VPS35L: variants seen among roughly 807,000 people sequenced by gnomAD.
The protein encoded by VPS35L is VPS35 endosomal protein sorting factor like.
In VPS35L, 83 loss-of-function variants were observed where a neutral mutation model predicts 133.0. The observed-to-expected ratio is 0.62, with a 90% CI of 0.52 to 0.75. The LOEUF (loss-of-function observed/expected upper bound fraction) is 0.75, where lower values mean the gene tolerates loss of function less well. Ranked by LOEUF, VPS35L falls within the 30% of genes least tolerant of loss-of-function variation. The pLI, the probability that VPS35L is intolerant of heterozygous loss-of-function variation, is 0.00. For synonymous variants in VPS35L, 423 were observed against 449.9 expected (o/e 0.94, Z 0.76); for missense variants, 1,083 against 1,206.8 (o/e 0.90, Z 1.52).
Position 19,639,497 on chromosome 16 carries a change from A to T in VPS35L, c.1699-518A>T, listed in dbSNP as rs905981265. ...AGCACCAATCCCTGGAATGCATATA[A>T]GTTGTTTTAATAGTAACAGCTTTTT... On this transcript the variant is annotated intron_variant, in intron 20 of 30. Coordinates refer to ENST00000417362, the MANE Select transcript of VPS35L (RefSeq NM_020314.7). The surrounding 1 kb of genome is among the most constrained non-coding windows in gnomAD (Gnocchi z 4.1). Among the ~76,000 whole-genome samples, 7 of 152,178 alleles carry T rather than the reference A, an allele frequency of 4.6e-5. No homozygotes were observed. The highest frequency in any genetic ancestry group is 1.0e-4 in the Non-Finnish European group (7 of 68,018).
At chr16:19,616,936 T>G (rs776176703) in intron 14 of VPS35L, 128 bp downstream of exon 14, 1 of 1,359,094 alleles carries the variant, frequency 7.4e-7, no homozygotes, top group South Asian at 1.2e-5. Flanking sequence ...AGCCAGCCTT[T>G]ATAGAGGGCT....
chr16:19,634,466 G>C (rs1287719129), intron 19 of VPS35L, among the ~76,000 whole-genome samples: 1 of 151,156 alleles, frequency 6.6e-6, no homozygotes, highest in Non-Finnish European at 1.5e-5. Flanking sequence ...ATGTGAAAAG[G>C]GTATAAGAGC....
At chr16:19,622,140 C>CTTTTTTTTTTTTTT (rs60521137) in intron 14 of VPS35L, among the ~76,000 whole-genome samples, 6 of 107,920 alleles carry the variant, frequency 5.6e-5, no homozygotes, top group Non-Finnish European at 7.3e-5. Flanking sequence ...CCATGTATAT[C>CTTTTTTTTTTTTTT]TTTTTTTTTT....
chr16:19,640,082 T>A lies in VPS35L; in HGVS notation c.1766T>A (p.Ile589Asn). ...ESVRVEVCKCIMDAFIKHQQE... is the reference protein window; with the variant it reads ...ESVRVEVCKCNMDAFIKHQQE... ...GTGCGGGTGGAGGTTTGCAAATGCA[T>A]CATGGACGCCTTTATCAAGTGAGTG... Residue 589 changes from isoleucine (I) to asparagine (N), a missense_variant, in exon 21 of 31, where the codon ATC becomes AAC. Transcript: ENST00000417362. 6.2e-7 allele frequency: 1 copy of A among 1,614,172 alleles called. No homozygotes were observed. Among genetic ancestry groups the A allele is most frequent in the South Asian group, 1.1e-5 (1 of 91,086 alleles).
At chr16:19,585,898 C>T (rs1971848709) in intron 7 of VPS35L, among the ~76,000 whole-genome samples, 1 of 152,130 alleles carries the variant, frequency 6.6e-6, no homozygotes, top group African/African-American at 2.4e-5. Flanking sequence ...TGAGTTGTAA[C>T]AATTTTTTTT....
At chr16:19,687,930 T>C (rs1190067421) in intron 28 of VPS35L, among the ~76,000 whole-genome samples, 1 of 150,944 alleles carries the variant, frequency 6.6e-6, no homozygotes, top group Non-Finnish European at 1.5e-5. Flanking sequence ...CTGGCCAACA[T>C]GGAGAAACCT....
intron 26 of VPS35L, among the ~76,000 whole-genome samples, chr16:19,654,565 A>C (rs959961145): frequency 2.0e-5 from 3 of 152,048 alleles, no homozygotes; most frequent in African/African-American, 7.2e-5. Context: ...AAAAAGAAAG[A>C]AACAACAATG....
chr16:19,594,587 C>T (rs780793946), intron 8 of VPS35L, among the ~76,000 whole-genome samples: 2 of 125,480 alleles, frequency 1.6e-5, no homozygotes, highest in East Asian at 2.5e-4. Context: ...GAAGTTGCAG[C>T]GAGCTGAGAT....
chr16:19,562,682 A>T (rs1475468525), intron 1 of VPS35L, among the ~76,000 whole-genome samples: 1 of 152,176 alleles, frequency 6.6e-6, no homozygotes, highest in Non-Finnish European at 1.5e-5. Context: ...CATAATAGAG[A>T]TTAAGAAATG....
At chr16:19,608,614 G>T in intron 10 of VPS35L, 1 of 389,328 alleles carries the variant, frequency 2.6e-6, no homozygotes, top group Non-Finnish European at 4.6e-6. Context: ...AAGCTTTGCA[G>T]GGCAAATGCT....
chr16:19,674,184 C>CTTTTTCTTTT (rs1555507022), intron 27 of VPS35L, among the ~76,000 whole-genome samples: 11 of 70,912 alleles, frequency 1.6e-4, no homozygotes, highest in African/African-American at 6.9e-4. Flanking sequence ...TTTTCTTTTT[C>CTTTTTCTTTT]TTTTTTTTTT....
intron 1 of VPS35L, among the ~76,000 whole-genome samples, chr16:19,560,539 T>C (rs1597298253): frequency 6.6e-6 from 1 of 152,328 alleles, no homozygotes; most frequent in East Asian, 1.9e-4. Flanking sequence ...CTCACACCTA[T>C]AATCCCAGCA....
chr16:19,559,280 TG>T (rs1169074926), intron 1 of VPS35L, among the ~76,000 whole-genome samples: 4 of 152,208 alleles, frequency 2.6e-5, no homozygotes, highest in African/African-American at 9.7e-5. Context: ...TCTGTAGGCC[TG>T]GGGTATTTCA....
intron 1 of VPS35L, among the ~76,000 whole-genome samples, chr16:19,558,587 C>T (rs947363931): frequency 4.6e-5 from 7 of 152,302 alleles, no homozygotes; most frequent in Admixed American, 2.6e-4. Context: ...CCCTAGATCA[C>T]ATTTTCCGTT....
intron 28 of VPS35L, among the ~76,000 whole-genome samples, chr16:19,684,082 T>C (rs1023946532): frequency 1.3e-5 from 2 of 152,130 alleles, no homozygotes; most frequent in East Asian, 3.9e-4. Context: ...TTGCAACTGC[T>C]CCTCAGATGA....
intron 7 of VPS35L, among the ~76,000 whole-genome samples, chr16:19,587,776 C>CGG (rs1971916577): frequency 2.0e-5 from 3 of 151,414 alleles, no homozygotes; most frequent in Non-Finnish European, 2.9e-5. Context: ...TAAGTCAATC[C>CGG]TTATGCCAGT....
At chr16:19,627,482 A>G (rs1156984759) in intron 15 of VPS35L, among the ~76,000 whole-genome samples, 1 of 152,126 alleles carries the variant, frequency 6.6e-6, no homozygotes, top group Admixed American at 6.5e-5. Context: ...ATCCATCTAA[A>G]CATCCAGTTA....
At chr16:19,629,278 A>G (rs1462401416) in intron 17 of VPS35L, among the ~76,000 whole-genome samples, 2 of 152,220 alleles carry the variant, frequency 1.3e-5, no homozygotes, top group African/African-American at 4.8e-5. Context: ...ATTTGAACTA[A>G]AAAATAAAAA....
At chr16:19,672,109 C>T (rs1229748656) in intron 27 of VPS35L, among the ~76,000 whole-genome samples, 1 of 152,156 alleles carries the variant, frequency 6.6e-6, no homozygotes, top group Non-Finnish European at 1.5e-5. Context: ...GCCACCACGC[C>T]TGGCTAATTT....
Sources: allele counts gnomAD v4.1 joint callset (sites outside exome capture counted in the v4.1 genomes callset), GRCh38; gene constraint gnomAD v4.1.1; non-coding constraint Gnocchi (gnomAD v3.1); transcripts MANE v1.5; gene names NCBI Gene and HGNC (gene_info 2026-07-23, HGNC 2026-07-21).